Variants in LRRK1 observed in about 807,000 individuals in gnomAD.
The protein encoded by LRRK1 is leucine rich repeat kinase 1.
Under a neutral mutation model 209.1 loss-of-function variants are expected in LRRK1, and 113 were observed. The observed-to-expected ratio is 0.54, with a 90% CI of 0.46 to 0.63. The LOEUF is 0.63. Ranked by LOEUF, LRRK1 falls within the 30% of genes least tolerant of loss-of-function variation. The pLI, the probability that LRRK1 is intolerant of heterozygous loss-of-function variation, is 0.00. For synonymous variants in LRRK1, 1,144 were observed against 1,099.7 expected, an observed-to-expected ratio of 1.04 and a Z score of -0.80; for missense variants, 2,284 against 2,632.2, an observed-to-expected ratio of 0.87 and a Z score of 2.89.
chr15:100,931,759 C>T (rs1487854417), intron 2 of LRRK1, among the ~76,000 whole-genome samples: 4 of 152,172 alleles, frequency 2.6e-5, no homozygotes, highest in Non-Finnish European at 5.9e-5. Context: ...CACCAGCACC[C>T]ACGGGTTCAA....
At chr15:100,974,069 T>C in intron 3 of LRRK1, 102 bp downstream of exon 3, 1 of 1,007,586 alleles carries the variant, frequency 9.9e-7, no homozygotes, top group African/African-American at 1.7e-5. Context: ...GTAATGGGCG[T>C]TTTTACTGTG....
intron 1 of LRRK1, among the ~76,000 whole-genome samples, chr15:100,920,930 C>G (rs2042009860): frequency 6.6e-6 from 1 of 152,180 alleles, no homozygotes; most frequent in South Asian, 2.1e-4. Flanking sequence ...GCCACACTGG[C>G]TGAGCTTGCT....
rs1417555505 is a variant in LRRK1, at chr15:101,072,941, A to G, written c.*4093A>G. Reference sequence around the variant, plus strand: ...GACGTGCATTAAATTTGGTGCCGTAACTGGCGCGGGGGGAGGGGGGGGGGA... The same window carrying G: ...GACGTGCATTAAATTTGGTGCCGTAGCTGGCGCGGGGGGAGGGGGGGGGGA... On this transcript the variant is annotated 3_prime_UTR_variant, in exon 34 of 34. Transcript: ENST00000388948. The G allele has an allele frequency of 1.5e-5, 2 of 137,228 alleles. No individual in the cohort carries two copies. Among genetic ancestry groups the G allele is most frequent in the African/African-American group, 5.5e-5 (2 of 36,416 alleles). The allele number at this position is 137,228 out of a possible 1,614,324, so 8.5% of individuals were successfully genotyped here. A position where few individuals can be genotyped will look rare whatever the true frequency, so the allele number is the denominator to read the frequency against.
At position 101,010,853 on chromosome 15, in the gene LRRK1, A is replaced by G; in HGVS notation, c.1281+16A>G. The G allele has an allele frequency of 6.2e-7, 1 of 1,601,466 alleles. No homozygotes were observed. The highest frequency in any genetic ancestry group is 8.5e-7 in the Non-Finnish European group (1 of 1,175,940). On this transcript the variant is annotated intron_variant, in intron 9 of 33. Coordinates refer to ENST00000388948, the MANE Select transcript of LRRK1 (RefSeq NM_024652.6). ...CTGCCCTTTGGTGAGTATCACACCAAAAGTCATGAAAGCCACAGTCAACTC... is the reference window on the plus strand; with the variant it reads ...CTGCCCTTTGGTGAGTATCACACCAGAAGTCATGAAAGCCACAGTCAACTC...
intron 6 of LRRK1, among the ~76,000 whole-genome samples, chr15:100,999,075 CTG>C (rs1265512096): frequency 6.6e-6 from 1 of 152,188 alleles, no homozygotes; most frequent in African/African-American, 2.4e-5. Flanking sequence ...GTTGAGAAAA[CTG>C]AGGGTTCTCT....
At chr15:100,927,957 T>C (rs2042143672) in intron 2 of LRRK1, among the ~76,000 whole-genome samples, 1 of 152,220 alleles carries the variant, frequency 6.6e-6, no homozygotes, top group Non-Finnish European at 1.5e-5. Context: ...AATATATTAA[T>C]AAATGTGTAC....
chr15:100,986,502 G>T (rs1267376407), intron 4 of LRRK1, among the ~76,000 whole-genome samples: 1 of 152,246 alleles, frequency 6.6e-6, no homozygotes, highest in Non-Finnish European at 1.5e-5. Context: ...CCTGCCAGGT[G>T]TGTCCCACAG....
intron 2 of LRRK1, among the ~76,000 whole-genome samples, chr15:100,955,018 AT>A (rs35535648): frequency 0.91 from 137,847 of 152,050 alleles, 62,676 homozygotes; most frequent in East Asian, 0.99. Flanking sequence ...AAATTTTAGG[AT>A]TTTTTTTTCT....
chr15:101,007,985 C>T (rs1016906871), intron 6 of LRRK1, among the ~76,000 whole-genome samples: 7 of 151,674 alleles, frequency 4.6e-5, no homozygotes, highest in African/African-American at 1.7e-4. Context: ...GGTGAAACAC[C>T]GTCTCTAATA....
intron 4 of LRRK1, among the ~76,000 whole-genome samples, chr15:100,986,312 C>G (rs2031867284): frequency 6.6e-6 from 1 of 152,220 alleles, no homozygotes; most frequent in African/African-American, 2.4e-5. Context: ...TTATGTGATT[C>G]CTGGTCTCTG....
At position 101,049,617 on chromosome 15, in the gene LRRK1, G is replaced by A. The variant is rs773700804; in HGVS notation, c.3300-27G>A. 2.1e-5 allele frequency: 33 copies of A among 1,609,732 alleles called. 1 individual carries two copies. The highest frequency in any genetic ancestry group is 1.7e-4 in the Admixed American group (10 of 59,552). On this transcript the variant is annotated intron_variant, in intron 22 of 33. Transcript: ENST00000388948. ...GGGTCCCCCAGAGCCAGATCGCAAT[G>A]GGCTCCTTTTGGTCTCTGGATTGCA...
intron 21 of LRRK1, among the ~76,000 whole-genome samples, chr15:101,046,669 A>G (rs1423427976): frequency 6.6e-6 from 1 of 152,160 alleles, no homozygotes; most frequent in Non-Finnish European, 1.5e-5. Context: ...AGGGTCTTTG[A>G]GTGTGGCATC....
At chr15:100,958,627 A>C (rs1363826039) in intron 2 of LRRK1, among the ~76,000 whole-genome samples, 5 of 152,182 alleles carry the variant, frequency 3.3e-5, no homozygotes, top group African/African-American at 1.2e-4. Flanking sequence ...AGAGGGGCCA[A>C]ATTTCTAACT....
chr15:100,937,639 A>C (rs2042325193), intron 2 of LRRK1, among the ~76,000 whole-genome samples: 1 of 151,770 alleles, frequency 6.6e-6, no homozygotes, highest in African/African-American at 2.4e-5. Context: ...GGTTGATGCC[A>C]TTCTCCTGCC....
chr15:100,983,962 C>A, intron 4 of LRRK1: 1 of 511,340 alleles, frequency 2.0e-6, no homozygotes, highest in Non-Finnish European at 3.6e-6. Context: ...AATTAATAGA[C>A]CTTGGTCTTT....
intron 2 of LRRK1, among the ~76,000 whole-genome samples, chr15:100,951,219 C>G (rs1046495129): frequency 1.3e-5 from 2 of 152,128 alleles, no homozygotes; most frequent in Non-Finnish European, 2.9e-5. Flanking sequence ...TATGGAAATG[C>G]GAAGCAAAAC....
intron 6 of LRRK1, among the ~76,000 whole-genome samples, chr15:100,996,331 G>A (rs1332475585): frequency 6.6e-6 from 1 of 152,206 alleles, no homozygotes; most frequent in African/African-American, 2.4e-5. Flanking sequence ...AATTCAGCCT[G>A]GCCCAGCAAG....
intron 6 of LRRK1, among the ~76,000 whole-genome samples, chr15:101,008,164 AAAAAAAAAAAAAG>A (rs2033058317): frequency 7.5e-6 from 1 of 133,338 alleles, no homozygotes; most frequent in Non-Finnish European, 1.7e-5. Flanking sequence ...AAAAAAAAAA[AAAAAAAAAAAAAG>A]AGGCTGGCCT....
At chr15:100,996,254 C>T (rs570000062) in intron 6 of LRRK1, among the ~76,000 whole-genome samples, 4 of 152,252 alleles carry the variant, frequency 2.6e-5, no homozygotes, top group Admixed American at 6.5e-5. Context: ...ACCGCCCTGG[C>T]GCCACATACC....
Sources: allele counts gnomAD v4.1 joint callset (sites outside exome capture counted in the v4.1 genomes callset), GRCh38; gene constraint gnomAD v4.1.1; transcripts MANE v1.5; gene names NCBI Gene and HGNC (gene_info 2026-07-23, HGNC 2026-07-21).